Variants in NARF observed in about 807,000 individuals in gnomAD.
NARF encodes the protein iron-only hydrogenase-like protein 2.
A neutral mutation model predicts 48.0 loss-of-function variants in NARF; 41 were observed. The ratio of observed to expected loss-of-function variants is 0.85; its 90% CI spans 0.66 to 1.11. The LOEUF is 1.11. Among genes scored for constraint, NARF ranks in the 50% least tolerant of loss-of-function variants. The pLI is 0.00. For synonymous variants in NARF, 215 were observed against 225.5 expected (o/e 0.95, Z 0.42); for missense variants, 613 against 590.2 (o/e 1.04, Z -0.40).
At position 82,488,031 on chromosome 17, in the gene NARF, T is replaced by C. The variant is rs1478121665; in HGVS notation, c.1245T>C (p.Ser415=). 6.2e-7 allele frequency: 1 copy of C among 1,614,054 alleles called. No individual in the cohort carries two copies. Among genetic ancestry groups the C allele is most frequent in the Non-Finnish European group, 8.5e-7 (1 of 1,180,048 alleles). Residue 415 remains serine, a synonymous_variant, in exon 11 of 11, where the codon AGT becomes AGC. Transcript: ENST00000309794. ...TCCCTGTGCGGCGTCCGGAGTCCAG[T>C]GCACACGTGCAGGAGCTGTACCAGG... ...ADIPVRRPES[S]AHVQELYQEW...
chr17:82,480,358 T>A, intron 6 of NARF: 1 of 401,640 alleles, frequency 2.5e-6, no homozygotes, highest in Non-Finnish European at 4.4e-6. Flanking sequence ...CAGCAACAGC[T>A]CCACGCCGGC....
intron 8 of NARF, chr17:82,484,597 T>G: frequency 4.2e-6 from 2 of 475,852 alleles, no homozygotes; most frequent in South Asian, 7.3e-5. Flanking sequence ...TCGGCGTGAC[T>G]GAGAGTCCTC....
Position 82,481,179 on chromosome 17 carries a change from G to T in NARF, c.737G>T (p.Gly246Val). The T allele has an allele frequency of 1.2e-6, 2 of 1,614,058 alleles. No individual in the cohort carries two copies. Among genetic ancestry groups the T allele is most frequent in the Non-Finnish European group, 1.7e-6 (2 of 1,180,006 alleles). ...LQESLPPALH[G>V]SRGADCVLTS... is the part of the protein sequence containing the mutation. ...GAAAGCCTTCCCCCTGCTTTGCATG[G>T]CTCCCGGGGCGCTGACTGCGTGTTA... The change falls in exon 7 of 11, where the codon GGC (glycine) becomes GTC (valine). Residue 246 changes from glycine to valine, a missense_variant. By Grantham distance (109) the Gly-to-Val change is moderately radical. Coordinates refer to ENST00000309794, the MANE Select transcript of NARF (RefSeq NM_012336.4).
intron 4 of NARF, 63 bp downstream of exon 4, chr17:82,468,959 T>G: frequency 6.3e-7 from 1 of 1,586,372 alleles, no homozygotes; most frequent in Admixed American, 1.8e-5. Context: ...CTTTTTAATC[T>G]CTAAAGTTCG....
At chr17:82,471,659 G>T (rs1456806550) in intron 4 of NARF, among the ~76,000 whole-genome samples, 1 of 142,032 alleles carries the variant, frequency 7.0e-6, no homozygotes, top group South Asian at 2.3e-4. Flanking sequence ...GGGCGTGGTG[G>T]TGGGCGCCTG....
At chr17:82,485,811 G>T (rs2044083837) in intron 10 of NARF, among the ~76,000 whole-genome samples, 157 bp downstream of exon 10, 1 of 152,220 alleles carries the variant, frequency 6.6e-6, no homozygotes, top group African/African-American at 2.4e-5. Flanking sequence ...GGCTTGTGCT[G>T]GGACATTCTA....
intron 10 of NARF, among the ~76,000 whole-genome samples, chr17:82,487,588 C>T (rs1042529104): frequency 1.3e-5 from 2 of 152,178 alleles, no homozygotes; most frequent in African/African-American, 4.8e-5. Flanking sequence ...CCAGCCCTAG[C>T]CTTAGGCCAC....
intron 10 of NARF, among the ~76,000 whole-genome samples, chr17:82,487,707 C>G (rs2044127226): frequency 6.6e-6 from 1 of 152,242 alleles, no homozygotes; most frequent in East Asian, 1.9e-4. Flanking sequence ...GCCAGTGGTC[C>G]CAGCTCGAAG....
intron 3 of NARF, among the ~76,000 whole-genome samples, chr17:82,466,362 T>C (rs1312163297): frequency 1.3e-5 from 2 of 152,192 alleles, no homozygotes; most frequent in Non-Finnish European, 2.9e-5. Flanking sequence ...CCCTAGATGA[T>C]GTTTATTGAC....
In NARF at chr17:82,458,786, C is replaced by T. The variant is rs1430154434; in HGVS notation, c.-18C>T. 8 of 1,463,656 alleles carry T rather than the reference C, an allele frequency of 5.5e-6. No homozygotes were observed. The South Asian group carries it at 8.4e-5, about 15-fold the overall frequency. 90.7% of individuals were successfully genotyped at this position (1,463,656 alleles called of 1,614,324 possible). The stretch of plus-strand genomic sequence containing the variant: ...CCCTGAGGCTGAGGCGCCCGGCCTC[C>T]CGCCCGCCGCGCTCCAGATGAAGTG... On this transcript the variant is annotated 5_prime_UTR_variant, in exon 1 of 11. Coordinates refer to ENST00000309794, the MANE Select transcript of NARF (RefSeq NM_012336.4).
chr17:82,487,974 G>C lies in NARF; in HGVS notation c.1188G>C (p.Leu396=). 2 of 1,614,228 alleles carry C rather than the reference G, an allele frequency of 1.2e-6. No individual in the cohort carries two copies. Among genetic ancestry groups the C allele is most frequent in the Non-Finnish European group, 1.7e-6 (2 of 1,180,044 alleles). ...CAGACGGACATGCGGATAAGGCCCT[G>C]CTGCGGCAGATGGAAGGCATTTACG... is the stretch of plus-strand genomic sequence containing the variant. ...QTPDGHADKA[L]LRQMEGIYAD... Residue 396 remains leucine (L), a synonymous_variant, in exon 11 of 11, where the codon CTG becomes CTC. Transcript: ENST00000309794.
At chr17:82,458,440 G>GGCC (rs565978884), upstream of NARF, 2,719 of 237,232 alleles carry the variant, frequency 0.011, 70 homozygotes, top group African/African-American at 0.055. Flanking sequence ...AACGCCGCTT[G>GGCC]GCCGCCGCCG....
rs542250528 is a variant in NARF, at chr17:82,475,980, C to T, written c.521-2820C>T. 1.3e-5 allele frequency among the ~76,000 whole-genome samples: 2 copies of T among 152,212 alleles called. 1 individual carries two copies. The highest frequency in any genetic ancestry group is 4.2e-4 in the South Asian group (2 of 4,818). ...TTTATTTCTCAACATAAGCTCCATC[C>T]TGGTCAAGACTTTTTTTTATTTTTT... On this transcript the variant is annotated intron_variant, in intron 5 of 10. Transcript: ENST00000309794.
Position 82,464,323 on chromosome 17 carries a change from T to C in NARF, c.145T>C (p.Phe49Leu), listed in dbSNP as rs1008263799. Residue 49 changes from phenylalanine (F) to leucine (L), a missense_variant, in exon 3 of 11, where the codon TTT becomes CTT. Phe to Leu is a conservative substitution (Grantham distance 22). Transcript: ENST00000309794. ...CCACAAGTTGGCTGATGCCAAGATA[T>C]TTTTGAGCGACTGCCTGGCATGTGA... is the stretch of plus-strand genomic sequence containing the variant. ...EFHKLADAKI[F>L]LSDCLACDSC... The C allele has an allele frequency of 5.6e-6, 9 of 1,613,786 alleles. No individual in the cohort carries two copies. Among genetic ancestry groups the C allele is most frequent in the South Asian group, 5.5e-5 (5 of 90,996 alleles).
chr17:82,477,372 C>T (rs952969816), intron 5 of NARF, among the ~76,000 whole-genome samples: 6 of 151,788 alleles, frequency 4.0e-5, no homozygotes, highest in Admixed American at 1.3e-4. Context: ...CACACGGTGG[C>T]GCACACTTGT....
chr17:82,479,035 A>G (rs1013540332), intron 6 of NARF, 117 bp downstream of exon 6: 1 of 874,762 alleles, frequency 1.1e-6, no homozygotes. Context: ...CAGGTGAGCA[A>G]AAAGGAAGCT....
In NARF at chr17:82,460,226, A is replaced by C. The variant is rs1230879030; in HGVS notation, c.108+154A>C. ...ACGCCTGGAATCCCAGCACTTTGGG[A>C]GGCCGAGGTGGACGGATCACTTGAG... On this transcript the variant is annotated intron_variant, in intron 2 of 10. Coordinates refer to ENST00000309794, the MANE Select transcript of NARF (RefSeq NM_012336.4). 3 of 594,604 alleles carry C rather than the reference A, an allele frequency of 5.0e-6. No homozygotes were observed. In the African/African-American group the frequency reaches 5.7e-5, roughly 11 times the overall value. 36.8% of individuals were successfully genotyped at this position (594,604 alleles called of 1,614,324 possible).
intron 2 of NARF, chr17:82,463,000 C>T (rs910176870): frequency 6.6e-6 from 1 of 152,072 alleles, no homozygotes; most frequent in African/African-American, 2.4e-5. Context: ...TCTTGAGCCC[C>T]ATGCGGACCT....
chr17:82,481,836 G>A (rs1304913004), intron 7 of NARF: 3 of 389,302 alleles, frequency 7.7e-6, no homozygotes, highest in Non-Finnish European at 1.5e-5. Context: ...CTCTTGGTGG[G>A]AAAGTTGTCT....
Sources: gnomAD v4.1 joint callset for allele counts (sites outside exome capture counted in the v4.1 genomes callset) on GRCh38, gnomAD v4.1.1 for gene constraint, MANE v1.5 for transcripts, NCBI Gene and HGNC (gene_info 2026-07-23, HGNC 2026-07-21) for gene names.